The following CFAP77 variants were observed in gnomAD, a reference collection of about 807,000 sequenced individuals.
CFAP77 encodes cilia and flagella associated protein 77, also known as cilia- and flagella-associated protein 77.
In CFAP77, 25 loss-of-function variants were observed where a neutral mutation model predicts 31.1. The ratio of observed to expected loss-of-function variants is 0.80; its 90% CI spans 0.59 to 1.12. The LOEUF is 1.12. CFAP77 is among the 50% of genes most tolerant of loss of function. CFAP77 has a pLI of 0.00. For synonymous variants in CFAP77, 151 were observed against 159.9 expected (o/e 0.94, Z 0.42); for missense variants, 377 against 397.3 (o/e 0.95, Z 0.44).
intron 3 of CFAP77, among the ~76,000 whole-genome samples, chr9:132,502,289 G>A (rs1440321921): frequency 6.7e-6 from 1 of 149,032 alleles, no homozygotes; most frequent in African/African-American, 2.5e-5. Flanking sequence ...GGGGAGGGGG[G>A]TGGTAGTTCC....
At chr9:132,438,880 CT>C (rs890261288) in intron 1 of CFAP77, among the ~76,000 whole-genome samples, 67 of 143,258 alleles carry the variant, frequency 4.7e-4, no homozygotes, top group African/African-American at 9.5e-4. Context: ...CTTTTCTTTT[CT>C]TTTTTTTTTT....
intron 1 of CFAP77, among the ~76,000 whole-genome samples, chr9:132,471,898 T>C (rs1851266395): frequency 6.6e-6 from 1 of 152,154 alleles, no homozygotes; most frequent in Non-Finnish European, 1.5e-5. Context: ...ATTATTTTTG[T>C]AGACACAGGA....
intron 1 of CFAP77, among the ~76,000 whole-genome samples, chr9:132,460,109 G>T (rs1226709637): frequency 1.3e-5 from 2 of 152,198 alleles, no homozygotes; most frequent in Non-Finnish European, 2.9e-5. Flanking sequence ...GAATGGAAGA[G>T]TGTTTATGGA....
chr9:132,561,690 C>T (rs1829813518), intron 5 of CFAP77, among the ~76,000 whole-genome samples: 3 of 150,730 alleles, frequency 2.0e-5, no homozygotes, highest in Non-Finnish European at 4.4e-5. Context: ...GGGATGGGTT[C>T]GCAAGCAACA....
At chr9:132,560,004 A>G (rs771377959) in intron 5 of CFAP77, among the ~76,000 whole-genome samples, 1 of 152,186 alleles carries the variant, frequency 6.6e-6, no homozygotes, top group Non-Finnish European at 1.5e-5. Flanking sequence ...GAAATAGATT[A>G]GTGGTTGCCA....
At chr9:132,477,770 G>A (rs562870820) in intron 1 of CFAP77, among the ~76,000 whole-genome samples, 1 of 152,230 alleles carries the variant, frequency 6.6e-6, no homozygotes, top group South Asian at 2.1e-4. Flanking sequence ...TAGGGAACTG[G>A]GCCAAACTCT....
intron 1 of CFAP77, among the ~76,000 whole-genome samples, chr9:132,475,759 A>G (rs904979043): frequency 6.6e-6 from 1 of 152,198 alleles, no homozygotes; most frequent in Non-Finnish European, 1.5e-5. Context: ...CTCCACCTGG[A>G]GTGCAGAACC....
intron 1 of CFAP77, among the ~76,000 whole-genome samples, chr9:132,471,134 C>A (rs1186473056): frequency 6.6e-6 from 1 of 152,138 alleles, no homozygotes; most frequent in East Asian, 1.9e-4. Flanking sequence ...GCCTCACATG[C>A]AAGGCATATG....
chr9:132,460,578 G>A (rs1851030220), intron 1 of CFAP77, among the ~76,000 whole-genome samples: 1 of 152,110 alleles, frequency 6.6e-6, no homozygotes, highest in Admixed American at 6.5e-5. Context: ...CATAGAAAAT[G>A]GATCAAATAG....
intron 5 of CFAP77, among the ~76,000 whole-genome samples, chr9:132,569,499 C>T (rs1194261844): frequency 6.6e-6 from 1 of 152,100 alleles, no homozygotes; most frequent in African/African-American, 2.4e-5. Context: ...TTTTGCAAAG[C>T]TGAATATAAA....
rs1216116817 is a variant in CFAP77 at position 132,432,745 on chromosome 9, A to T, written c.195+22279A>T. On this transcript the variant is annotated intron_variant, in intron 1 of 5. Coordinates refer to ENST00000393216, the MANE Select transcript of CFAP77 (RefSeq NM_001282957.2). ...TGTTTTGTTTTTGAGACAGAGTCTC[A>T]CTCTGTCGCCTGGGCTGGAGTGCAG... Among the ~76,000 whole-genome samples, 8 of 111,948 alleles carry T rather than the reference A, an allele frequency of 7.1e-5. No homozygotes were observed. In the East Asian group the frequency reaches 2.1e-3, roughly 30 times the overall value. 73.4% of individuals were successfully genotyped at this position (111,948 alleles called of 152,430 possible). A position where few individuals can be genotyped will look rare whatever the true frequency, so the allele number is the denominator to read the frequency against.
chr9:132,539,211 A>G lies in CFAP77; in HGVS notation c.630+1505A>G, dbSNP rs1233598303. ...GCAGTAGGTCCAGACTGACGATGGTAAAATCAGAATCACTCTATGTTCACA... is the reference window on the plus strand; with the variant it reads ...GCAGTAGGTCCAGACTGACGATGGTGAAATCAGAATCACTCTATGTTCACA... On this transcript the variant is annotated intron_variant, in intron 4 of 5. Coordinates refer to ENST00000393216, the MANE Select transcript of CFAP77 (RefSeq NM_001282957.2). This position sits in a 1 kb window ranked among gnomAD's most constrained non-coding sequence, Gnocchi z 4.3. Among the ~76,000 whole-genome samples the G allele has an allele frequency of 6.6e-6, 1 of 152,258 alleles. No homozygotes were observed. The highest frequency in any genetic ancestry group is 1.5e-5 in the Non-Finnish European group (1 of 68,048).
chr9:132,463,266 T>G (rs1199176108), intron 1 of CFAP77, among the ~76,000 whole-genome samples: 2 of 152,162 alleles, frequency 1.3e-5, no homozygotes, highest in Non-Finnish European at 2.9e-5. Flanking sequence ...CAGTTAAGAT[T>G]TAAGCTCCAG....
intron 3 of CFAP77, among the ~76,000 whole-genome samples, chr9:132,530,731 T>C (rs1852430312): frequency 6.6e-6 from 1 of 152,212 alleles, no homozygotes; most frequent in Admixed American, 6.5e-5. Flanking sequence ...CTCTCCATCC[T>C]CTGAACCGGA....
At chr9:132,432,980 C>CTGG (rs1405342196) in intron 1 of CFAP77, among the ~76,000 whole-genome samples, 2 of 152,152 alleles carry the variant, frequency 1.3e-5, no homozygotes, top group Non-Finnish European at 2.9e-5. Flanking sequence ...TCCCAAAGTG[C>CTGG]TGGGATTACA....
chr9:132,445,060 G>A (rs1350232941), intron 1 of CFAP77, among the ~76,000 whole-genome samples: 3 of 148,536 alleles, frequency 2.0e-5, no homozygotes, highest in Non-Finnish European at 3.0e-5. Flanking sequence ...TGCAACCTCC[G>A]CCTCCTGGGT....
rs1851783970 is a variant in CFAP77 at position 132,498,614 on chromosome 9, G to C, written c.196-81G>C. 1.8e-6 allele frequency: 2 copies of C among 1,084,484 alleles called. No homozygotes were observed. Among genetic ancestry groups the C allele is most frequent in the Non-Finnish European group, 2.7e-6 (2 of 729,078 alleles). The allele number at this position is 1,084,484 out of a possible 1,614,324, so 67.2% of individuals were successfully genotyped here. On this transcript the variant is annotated intron_variant, in intron 1 of 5. Transcript: ENST00000393216. This position sits in a 1 kb window ranked among gnomAD's most constrained non-coding sequence, Gnocchi z 4.2. The stretch of plus-strand genomic sequence containing the variant: ...GGCCTGGGGGAAATGCAGGCATCTG[G>C]TGCCTCCCTGCTGCCGGATTACAAT...
At chr9:132,418,099 G>A (rs766096584) in intron 1 of CFAP77, among the ~76,000 whole-genome samples, 2 of 152,240 alleles carry the variant, frequency 1.3e-5, no homozygotes, top group Non-Finnish European at 2.9e-5. Context: ...ACATCTCAAG[G>A]TTGTAACGTG....
intron 3 of CFAP77, among the ~76,000 whole-genome samples, chr9:132,534,703 T>C (rs942884788): frequency 2.0e-5 from 3 of 152,132 alleles, no homozygotes; most frequent in Admixed American, 2.0e-4. Context: ...AAATGTTCTG[T>C]TATTTATTTT....
Sources: allele counts gnomAD v4.1 joint callset (sites outside exome capture counted in the v4.1 genomes callset), GRCh38; gene constraint gnomAD v4.1.1; non-coding constraint Gnocchi (gnomAD v3.1); transcripts MANE v1.5; gene names NCBI Gene and HGNC (gene_info 2026-07-23, HGNC 2026-07-21).